Variants in MYRIP observed in about 807,000 individuals in gnomAD.
The protein encoded by MYRIP is rab effector MyRIP.
MYRIP carries 49 observed loss-of-function variants against 98.0 expected under a neutral mutation model. The ratio of observed to expected loss-of-function variants is 0.50; its 90% CI spans 0.40 to 0.63. The LOEUF is 0.63. Among genes scored for constraint, MYRIP ranks in the 30% least tolerant of loss-of-function variants. The pLI is 0.00. For synonymous variants in MYRIP, 404 were observed against 409.5 expected (o/e 0.99, Z 0.16); for missense variants, 1,004 against 1,058.2 (o/e 0.95, Z 0.71).
chr3:40,100,973 T>C (rs1948933718), intron 3 of MYRIP, among the ~76,000 whole-genome samples: 1 of 152,164 alleles, frequency 6.6e-6, no homozygotes, highest in African/African-American at 2.4e-5. Flanking sequence ...AATAATTCTC[T>C]TGACTTATTG....
intron 2 of MYRIP, among the ~76,000 whole-genome samples, chr3:39,933,789 C>T (rs1296852322): frequency 2.0e-5 from 3 of 152,160 alleles, no homozygotes; most frequent in African/African-American, 7.2e-5. Context: ...CTAGAGACTA[C>T]ATTCATTTAT....
Position 40,258,666 on chromosome 3 carries a change from C to A in MYRIP, c.*500C>A, listed in dbSNP as rs1345636261. The A allele has an allele frequency of 6.2e-6, 1 of 161,654 alleles. No homozygotes were observed. Among genetic ancestry groups the A allele is most frequent in the Non-Finnish European group, 1.4e-5 (1 of 72,746 alleles). 10.0% of individuals were successfully genotyped at this position (161,654 alleles called of 1,614,324 possible). ...TGCAAATCCTAAGGGAAAAGCAAGT[C>A]CCTGCAGTGAGCACTAGGGACAGTC... is the stretch of plus-strand genomic sequence containing the variant. On this transcript the variant is annotated 3_prime_UTR_variant, in exon 17 of 17. Transcript: ENST00000302541.
chr3:39,849,584 G>A (rs557230541), intron 1 of MYRIP, among the ~76,000 whole-genome samples: 1 of 152,298 alleles, frequency 6.6e-6, no homozygotes, highest in South Asian at 2.1e-4. Flanking sequence ...TAATTTGTAA[G>A]TTATAAATGT....
chr3:39,989,877 C>A (rs916697172), intron 2 of MYRIP, among the ~76,000 whole-genome samples: 1 of 152,230 alleles, frequency 6.6e-6, no homozygotes, highest in African/African-American at 2.4e-5. Flanking sequence ...GGGGAAAAGC[C>A]TGGCCTGGAG....
intron 2 of MYRIP, among the ~76,000 whole-genome samples, chr3:39,914,510 A>G (rs752318326): frequency 5.6e-4 from 85 of 152,174 alleles, no homozygotes; most frequent in Non-Finnish European, 9.7e-4. Context: ...ATAGTCAAAA[A>G]AAGCTGCTCT....
intron 2 of MYRIP, among the ~76,000 whole-genome samples, chr3:40,028,904 A>G (rs1209904100): frequency 6.6e-6 from 1 of 152,094 alleles, no homozygotes; most frequent in Non-Finnish European, 1.5e-5. Flanking sequence ...CCTGAAAAAC[A>G]CCTCATTTGC....
chr3:39,923,541 A>G (rs1171150797), intron 2 of MYRIP, among the ~76,000 whole-genome samples: 2 of 152,156 alleles, frequency 1.3e-5, no homozygotes, highest in Non-Finnish European at 2.9e-5. Context: ...AAAACTGTCA[A>G]CTCAGAATCC....
intron 2 of MYRIP, among the ~76,000 whole-genome samples, chr3:39,959,351 G>T (rs1044956271): frequency 3.9e-5 from 6 of 152,068 alleles, no homozygotes; most frequent in Non-Finnish European, 7.4e-5. Flanking sequence ...CCATACAAAA[G>T]GATGAGTTCA....
chr3:39,992,923 C>A (rs1946215219), intron 2 of MYRIP, among the ~76,000 whole-genome samples: 1 of 152,158 alleles, frequency 6.6e-6, no homozygotes. Flanking sequence ...TTGTCAGGGA[C>A]CCCTTCTTGT....
chr3:40,154,008 C>G (rs1046579853), intron 4 of MYRIP, among the ~76,000 whole-genome samples: 2 of 152,044 alleles, frequency 1.3e-5, no homozygotes, highest in African/African-American at 4.8e-5. Context: ...GGCATGGTGG[C>G]ACTCACCTGT....
intron 3 of MYRIP, among the ~76,000 whole-genome samples, chr3:40,133,651 C>T (rs958140967): frequency 2.0e-5 from 3 of 152,130 alleles, no homozygotes; most frequent in Admixed American, 6.5e-5. Context: ...GCAGGAGAAT[C>T]GCTTGAACCC....
intron 12 of MYRIP, chr3:40,242,361 T>C (rs1259166344): frequency 6.6e-6 from 1 of 152,222 alleles, no homozygotes; most frequent in Non-Finnish European, 1.5e-5. Context: ...TCAGCTGGTA[T>C]CAGTGCTAAA....
chr3:39,838,361 T>G (rs1047184700), intron 1 of MYRIP, among the ~76,000 whole-genome samples: 1 of 152,234 alleles, frequency 6.6e-6, no homozygotes, highest in African/African-American at 2.4e-5. Flanking sequence ...TAAATAGCTC[T>G]TATTACTTTG....
At chr3:40,176,410 T>C (rs1950759413) in intron 8 of MYRIP, among the ~76,000 whole-genome samples, 1 of 152,050 alleles carries the variant, frequency 6.6e-6, no homozygotes, top group African/African-American at 2.4e-5. Context: ...ACAGCACTGG[T>C]CTAGGGATTT....
rs1317317 is a variant in MYRIP at position 40,190,392 on chromosome 3, C to T, written c.1594C>T (p.Leu532=). Reference sequence around the variant, plus strand: ...GGCCAGGAGGTGGAGAAGAGCCCGACTGGGCTCAGAAGAGCCAAGCAAAGA... The same window carrying T: ...GGCCAGGAGGTGGAGAAGAGCCCGATTGGGCTCAGAAGAGCCAAGCAAAGA... ...RRARRWRRAR[L]GSEEPSKEPS... is the part of the protein sequence containing the mutation. Residue 532 remains leucine, a synonymous_variant, in exon 10 of 17, where the codon CTG becomes TTG. Coordinates refer to ENST00000302541, the MANE Select transcript of MYRIP (RefSeq NM_015460.4). 0.89 allele frequency: 1,438,488 copies of T among 1,613,670 alleles called. 642,573 individuals are homozygous for T. Among genetic ancestry groups the T allele is most frequent in the Admixed American group, 0.91 (54,612 of 60,002 alleles).
chr3:40,078,093 G>T (rs1052689815), intron 3 of MYRIP, among the ~76,000 whole-genome samples: 106 of 152,376 alleles, frequency 7.0e-4, no homozygotes, highest in Admixed American at 6.9e-3. Flanking sequence ...GCTAAGGCCC[G>T]ATGAGAAATC....
chr3:39,955,890 A>G (rs954481997), intron 2 of MYRIP, among the ~76,000 whole-genome samples: 1 of 152,210 alleles, frequency 6.6e-6, no homozygotes, highest in Non-Finnish European at 1.5e-5. Flanking sequence ...AGTTTCTGAT[A>G]AAACAGATTT....
intron 2 of MYRIP, among the ~76,000 whole-genome samples, chr3:39,957,042 C>T (rs1182519296): frequency 2.0e-5 from 3 of 151,694 alleles, no homozygotes; most frequent in Admixed American, 6.6e-5. Context: ...AATTAATAGC[C>T]TACCAACCAA....
At chr3:40,034,454 CA>C (rs917708829) in intron 2 of MYRIP, among the ~76,000 whole-genome samples, 164 of 151,984 alleles carry the variant, frequency 1.1e-3, no homozygotes, top group African/African-American at 3.9e-3. Context: ...TTTATGCAGC[CA>C]AAAGACACAT....
Sources: gnomAD v4.1 joint callset for allele counts (sites outside exome capture counted in the v4.1 genomes callset) on GRCh38, gnomAD v4.1.1 for gene constraint, MANE v1.5 for transcripts, NCBI Gene and HGNC (gene_info 2026-07-23, HGNC 2026-07-21) for gene names.